TRDMT1: variants seen among roughly 807,000 people sequenced by gnomAD.
TRDMT1 encodes tRNA (cytosine(38)-C(5))-methyltransferase.
TRDMT1 carries 49 observed loss-of-function variants against 51.2 expected under a neutral mutation model. That is an observed-to-expected ratio of 0.96 (90% confidence interval 0.76 to 1.21). The LOEUF is 1.21. TRDMT1 is among the 50% of genes most tolerant of loss of function. TRDMT1 has a pLI of 0.00. For missense variants in TRDMT1, 534 were observed against 462.3 expected (o/e 1.16, Z -1.42); for synonymous variants, 187 against 164.6 (o/e 1.14, Z -1.04).
Position 17,153,591 on chromosome 10 carries a change from GTTC to G in TRDMT1, c.988_990del (p.Glu330del), listed in dbSNP as rs1472777751. On this transcript the variant is annotated inframe_deletion, in exon 10 of 11. Transcript: ENST00000377799. ...TTAAGTATTAACAGCTTTGTTATCTGTTCTTCTTGTGACAAATTGGTAAGGGAT... is the reference window on the plus strand; with the variant it reads ...TTAAGTATTAACAGCTTTGTTATCTGTTCTTGTGACAAATTGGTAAGGGAT... 7 of 1,606,066 alleles carry G rather than the reference GTTC, an allele frequency of 4.4e-6. No homozygotes were observed. The highest frequency in any genetic ancestry group is 5.9e-6 in the Non-Finnish European group (7 of 1,177,110).
chr10:17,148,486 G>T lies in TRDMT1; in HGVS notation c.*554C>A, dbSNP rs191858696. 204 of 985,344 alleles carry T rather than the reference G, an allele frequency of 2.1e-4. No homozygotes were observed. The highest frequency in any genetic ancestry group is 4.9e-4 in the Admixed American group (8 of 16,262). The allele number at this position is 985,344 out of a possible 1,614,324, so 61.0% of individuals were successfully genotyped here. A position where few individuals can be genotyped will look rare whatever the true frequency, so the allele number is the denominator to read the frequency against. ...CATGGAGAGGTAATCAAACATTTAG[G>T]ATTATTTTTCCTGACATATTCTTCA... On this transcript the variant is annotated 3_prime_UTR_variant, in exon 11 of 11. Coordinates refer to ENST00000377799, the MANE Select transcript of TRDMT1 (RefSeq NM_004412.7).
At chr10:17,164,627 C>G (rs1288241549) in intron 3 of TRDMT1, among the ~76,000 whole-genome samples, 3 of 152,198 alleles carry the variant, frequency 2.0e-5, no homozygotes, top group Non-Finnish European at 4.4e-5. Flanking sequence ...AACCCATCAT[C>G]TCGGCCCAAA....
In TRDMT1 at chr10:17,147,254, A is replaced by G; in HGVS notation, c.*1786T>C. The stretch of plus-strand genomic sequence containing the variant: ...TTTACTGAAATTTATGAGACTTGTA[A>G]TAGGCTCTGTCTGAACACATATGAA... On this transcript the variant is annotated 3_prime_UTR_variant, in exon 11 of 11. Coordinates refer to ENST00000377799, the MANE Select transcript of TRDMT1 (RefSeq NM_004412.7). 1.0e-6 allele frequency: 1 copy of G among 985,784 alleles called. No homozygotes were observed. Among genetic ancestry groups the G allele is most frequent in the Non-Finnish European group, 1.2e-6 (1 of 829,918 alleles). 61.1% of individuals were successfully genotyped at this position (985,784 alleles called of 1,614,324 possible).
In TRDMT1 at chr10:17,159,246, GCA is replaced by G; in HGVS notation, c.460-19_460-18del. ...AATGCCAAGCTGTAAGCAAAGCAAA[GCA>G]GTTAGTTACTCTAAAAAATTAAAGA... On this transcript the variant is annotated intron_variant, in intron 6 of 10. Coordinates refer to ENST00000377799, the MANE Select transcript of TRDMT1 (RefSeq NM_004412.7). 6.4e-7 allele frequency: 1 copy of G among 1,571,642 alleles called. No individual in the cohort carries two copies. The highest frequency in any genetic ancestry group is 8.6e-7 in the Non-Finnish European group (1 of 1,158,964).
chr10:17,155,027 GC>G (rs1335573774), intron 8 of TRDMT1, among the ~76,000 whole-genome samples: 4 of 152,014 alleles, frequency 2.6e-5, no homozygotes, highest in Non-Finnish European at 4.4e-5. Flanking sequence ...TTCGAGGTCA[GC>G]CTGGCCAACA....
Position 17,153,368 on chromosome 10 carries a change from A to T in TRDMT1, c.1075+139T>A, listed in dbSNP as rs1371778577. 4.1e-6 allele frequency: 4 copies of T among 968,090 alleles called. No homozygotes were observed. In the African/African-American group the frequency reaches 6.6e-5, roughly 16 times the overall value. 60.0% of individuals were successfully genotyped at this position (968,090 alleles called of 1,614,324 possible). A position where few individuals can be genotyped will look rare whatever the true frequency, so the allele number is the denominator to read the frequency against. Reference sequence around the variant, plus strand: ...TTATGAGGGGAAAGAGGGCAGAAAGATGCCATAAATGGCATGATCAGGAAA... The same window carrying T: ...TTATGAGGGGAAAGAGGGCAGAAAGTTGCCATAAATGGCATGATCAGGAAA... On this transcript the variant is annotated intron_variant, in intron 10 of 10. Transcript: ENST00000377799.
Position 17,174,531 on chromosome 10 carries a change from A to T in TRDMT1, c.174+20T>A. On this transcript the variant is annotated intron_variant, in intron 2 of 10. Coordinates refer to ENST00000377799, the MANE Select transcript of TRDMT1 (RefSeq NM_004412.7). Reference sequence around the variant, plus strand: ...CATTTCCCTTGCTACATACTTATTAAAACAATGACAATTACTCACTTCAAT... The same window carrying T: ...CATTTCCCTTGCTACATACTTATTATAACAATGACAATTACTCACTTCAAT... 6.5e-7 allele frequency: 1 copy of T among 1,537,558 alleles called. No individual in the cohort carries two copies. Among genetic ancestry groups the T allele is most frequent in the South Asian group, 1.1e-5 (1 of 89,398 alleles).
rs1837523296 is a variant in TRDMT1, at chr10:17,139,483, G to T, written c.*9557C>A. 6.6e-6 allele frequency among the ~76,000 whole-genome samples: 1 copy of T among 151,978 alleles called. No individual in the cohort carries two copies. Among genetic ancestry groups the T allele is most frequent in the African/African-American group, 2.4e-5 (1 of 41,368 alleles). On this transcript the variant is annotated 3_prime_UTR_variant, in exon 11 of 11. Coordinates refer to ENST00000377799, the MANE Select transcript of TRDMT1 (RefSeq NM_004412.7). ...GAGAGGTGAGGATGTCACCACCGAT[G>T]GGGGGAAGAAAAAAACAGTTTGGTT... is the stretch of plus-strand genomic sequence containing the variant.
Position 17,146,635 on chromosome 10 carries a change from A to C in TRDMT1, c.*2405T>G. The C allele has an allele frequency of 1.0e-6, 1 of 985,384 alleles. No homozygotes were observed. Among genetic ancestry groups the C allele is most frequent in the African/African-American group, 1.7e-5 (1 of 57,358 alleles). The allele number at this position is 985,384 out of a possible 1,614,324, so 61.0% of individuals were successfully genotyped here. ...GGATGATGGGAAAAGGAGAACGAAAAATCGGTTTACTGTAAGGTATGGTGA... is the reference window on the plus strand; with the variant it reads ...GGATGATGGGAAAAGGAGAACGAAACATCGGTTTACTGTAAGGTATGGTGA... On this transcript the variant is annotated 3_prime_UTR_variant, in exon 11 of 11. Coordinates refer to ENST00000377799, the MANE Select transcript of TRDMT1 (RefSeq NM_004412.7).
chr10:17,154,848 T>A, intron 8 of TRDMT1, 114 bp from the exon 9 acceptor site: 1 of 829,118 alleles, frequency 1.2e-6, no homozygotes, highest in Non-Finnish European at 1.8e-6. Context: ...TTCTGAAATA[T>A]CTTGAATAAT....
At position 17,146,479 on chromosome 10, in the gene TRDMT1, G is replaced by C; in HGVS notation, c.*2561C>G. ...CTCTTCGAAATCATTTTCCAACTAT[G>C]ACTCATTTTGTTTACATTAATTGAT... is the stretch of plus-strand genomic sequence containing the variant. On this transcript the variant is annotated 3_prime_UTR_variant, in exon 11 of 11. Coordinates refer to ENST00000377799, the MANE Select transcript of TRDMT1 (RefSeq NM_004412.7). The C allele has an allele frequency of 1.0e-6, 1 of 985,292 alleles. No individual in the cohort carries two copies. Among genetic ancestry groups the C allele is most frequent in the Non-Finnish European group, 1.2e-6 (1 of 829,886 alleles). The allele number at this position is 985,292 out of a possible 1,614,324, so 61.0% of individuals were successfully genotyped here.
At chr10:17,149,387 A>G (rs1838404677) in intron 10 of TRDMT1, among the ~76,000 whole-genome samples, 1 of 152,194 alleles carries the variant, frequency 6.6e-6, no homozygotes, top group Admixed American at 6.5e-5. Flanking sequence ...TACACATATA[A>G]TATCCACAGA....
intron 1 of TRDMT1, among the ~76,000 whole-genome samples, chr10:17,177,911 G>A (rs927552768): frequency 1.3e-5 from 2 of 152,064 alleles, no homozygotes; most frequent in African/African-American, 4.8e-5. Context: ...TTCTTGTGTA[G>A]TTATTAATGT....
chr10:17,164,857 A>G (rs1047185694), intron 3 of TRDMT1, among the ~76,000 whole-genome samples: 2 of 152,238 alleles, frequency 1.3e-5, no homozygotes, highest in African/African-American at 4.8e-5. Flanking sequence ...TCACTGCTCA[A>G]TGACATAAAA....
chr10:17,151,414 A>G, intron 10 of TRDMT1: 1 of 978,948 alleles, frequency 1.0e-6, no homozygotes. Context: ...TCACAGAACC[A>G]GGACAGAGGG....
rs149615510 is a variant in TRDMT1 at position 17,138,330 on chromosome 10, C to T, written c.*10710G>A. 3.0e-3 allele frequency among the ~76,000 whole-genome samples: 459 copies of T among 152,212 alleles called. 2 individuals carry two copies. Among genetic ancestry groups the T allele is most frequent in the African/African-American group, 9.8e-3 (408 of 41,520 alleles). The stretch of plus-strand genomic sequence containing the variant: ...CTTAATTCATTCTCTTTTTCAGGGA[C>T]GTAACATTGCTTAAAAGATACATTT... On this transcript the variant is annotated 3_prime_UTR_variant, in exon 11 of 11. Transcript: ENST00000377799.
Position 17,145,228 on chromosome 10 carries a change from C to G in TRDMT1, c.*3812G>C, listed in dbSNP as rs973826084. On this transcript the variant is annotated 3_prime_UTR_variant, in exon 11 of 11. Coordinates refer to ENST00000377799, the MANE Select transcript of TRDMT1 (RefSeq NM_004412.7). ...CGCCACTGCACTCCAGCCTAGGCAACAGAGCGAGACTCAGTCTCAAAAACA... is the reference window on the plus strand; with the variant it reads ...CGCCACTGCACTCCAGCCTAGGCAAGAGAGCGAGACTCAGTCTCAAAAACA... The G allele has an allele frequency of 1.4e-5, 13 of 911,416 alleles. No homozygotes were observed. Among genetic ancestry groups the G allele is most frequent in the African/African-American group, 3.7e-5 (2 of 54,218 alleles). The allele number at this position is 911,416 out of a possible 1,614,324, so 56.5% of individuals were successfully genotyped here. A position where few individuals can be genotyped will look rare whatever the true frequency, so the allele number is the denominator to read the frequency against.
In TRDMT1 at chr10:17,168,040, C is replaced by T. The variant is rs45468397; in HGVS notation, c.251+801G>A. ...GAATGGAGGCTGGGCATGGTGGCTC[C>T]GTGTATAATCCCAGCACTTTGGGAG... is the stretch of plus-strand genomic sequence containing the variant. On this transcript the variant is annotated intron_variant, in intron 3 of 10. Coordinates refer to ENST00000377799, the MANE Select transcript of TRDMT1 (RefSeq NM_004412.7). 9.5e-4 allele frequency among the ~76,000 whole-genome samples: 144 copies of T among 151,914 alleles called. 1 individual carries two copies. The highest frequency in any genetic ancestry group is 1.7e-3 in the Non-Finnish European group (116 of 67,948).
At chr10:17,149,176 G>A in intron 10 of TRDMT1, 36 bp from the exon 11 acceptor site, 1 of 1,520,110 alleles carries the variant, frequency 6.6e-7, no homozygotes, top group Non-Finnish European at 9.1e-7. Flanking sequence ...GAAATCATTT[G>A]TAATCACAAT....
Sources: gnomAD v4.1 joint callset for allele counts (sites outside exome capture counted in the v4.1 genomes callset) on GRCh38, gnomAD v4.1.1 for gene constraint, MANE v1.5 for transcripts, NCBI Gene and HGNC (gene_info 2026-07-23, HGNC 2026-07-21) for gene names.